LRRC4C: variants seen among roughly 807,000 people sequenced by gnomAD.
LRRC4C encodes leucine rich repeat containing 4C.
Under a neutral mutation model 33.6 loss-of-function variants are expected in LRRC4C, and 5 were observed. That is an observed-to-expected ratio of 0.15 (90% CI 0.08 to 0.31). LRRC4C has a LOEUF of 0.31. Among genes scored for constraint, LRRC4C ranks in the 10% least tolerant of loss-of-function variants. The pLI is 1.00. For missense variants in LRRC4C, 560 were observed against 796.7 expected, an observed-to-expected ratio of 0.70 and a Z score of 3.58; for synonymous variants, 329 against 302.0, an observed-to-expected ratio of 1.09 and a Z score of -0.93.
intron 5 of LRRC4C, among the ~76,000 whole-genome samples, chr11:40,200,545 A>G (rs925869818): frequency 6.6e-5 from 10 of 152,230 alleles, no homozygotes; most frequent in South Asian, 4.1e-4. Flanking sequence ...AAAATGGGCC[A>G]TAAGATCTTC....
chr11:40,656,301 TC>T (rs759827373), intron 2 of LRRC4C, among the ~76,000 whole-genome samples: 33 of 151,940 alleles, frequency 2.2e-4, no homozygotes, highest in Non-Finnish European at 4.3e-4. Flanking sequence ...TCTCCTTTTT[TC>T]CCTAATTTCC....
chr11:41,087,357 C>G (rs1175405906), intron 1 of LRRC4C, among the ~76,000 whole-genome samples: 1 of 152,100 alleles, frequency 6.6e-6, no homozygotes, highest in Admixed American at 6.6e-5. Context: ...ATTATCCCTA[C>G]CCAGCTCCAC....
intron 1 of LRRC4C, among the ~76,000 whole-genome samples, chr11:41,102,632 T>A (rs1267949541): frequency 6.6e-6 from 1 of 152,062 alleles, no homozygotes; most frequent in East Asian, 1.9e-4. Context: ...TAGTAAATGA[T>A]CTCTGAAATA....
At chr11:41,313,770 A>G (rs1950707420) in intron 1 of LRRC4C, among the ~76,000 whole-genome samples, 1 of 152,216 alleles carries the variant, frequency 6.6e-6, no homozygotes, top group African/African-American at 2.4e-5. Flanking sequence ...TTATTCTGTG[A>G]TCCAACCAGC....
chr11:40,422,964 AAAC>A (rs1473093598), intron 3 of LRRC4C, among the ~76,000 whole-genome samples: 1 of 152,144 alleles, frequency 6.6e-6, no homozygotes, highest in African/African-American at 2.4e-5. Context: ...ATAGTGTTAA[AAAC>A]AAAGTTAGCA....
intron 1 of LRRC4C, among the ~76,000 whole-genome samples, chr11:41,010,824 C>T (rs2137525374): frequency 6.6e-6 from 1 of 152,050 alleles, no homozygotes. Flanking sequence ...ATCCAGTGAA[C>T]ATATTGCAAA....
chr11:40,405,983 C>T (rs958092721), intron 3 of LRRC4C, among the ~76,000 whole-genome samples: 1 of 151,974 alleles, frequency 6.6e-6, no homozygotes, highest in Non-Finnish European at 1.5e-5. Context: ...TACTAAACTT[C>T]CATCTTGTTT....
chr11:40,571,038 A>G (rs1374195973), intron 3 of LRRC4C, among the ~76,000 whole-genome samples: 1 of 152,150 alleles, frequency 6.6e-6, no homozygotes, highest in African/African-American at 2.4e-5. Flanking sequence ...GTTCTGAGGC[A>G]CTGTATGTAA....
intron 2 of LRRC4C, among the ~76,000 whole-genome samples, chr11:40,921,752 T>A (rs1957190437): frequency 6.6e-6 from 1 of 152,216 alleles, no homozygotes; most frequent in African/African-American, 2.4e-5. Context: ...TTTCTTTGTG[T>A]TGGCAACATT....
chr11:40,332,120 G>A lies in LRRC4C; in HGVS notation c.-269-12399C>T, dbSNP rs1946389260. ...CTTTAGCAGTATATTAGTTTCCTAGGGCGGCCATAACAAAGTGTCACAAAT... is the reference window on the plus strand; with the variant it reads ...CTTTAGCAGTATATTAGTTTCCTAGAGCGGCCATAACAAAGTGTCACAAAT... On this transcript the variant is annotated intron_variant, in intron 3 of 6. Coordinates refer to ENST00000528697, the MANE Select transcript of LRRC4C (RefSeq NM_001258419.2). 2.0e-5 allele frequency among the ~76,000 whole-genome samples: 3 copies of A among 152,192 alleles called. No individual in the cohort carries two copies. In the South Asian group the frequency reaches 6.2e-4, roughly 32 times the overall value.
At chr11:41,360,454 A>G (rs990260227) in intron 1 of LRRC4C, among the ~76,000 whole-genome samples, 1 of 152,064 alleles carries the variant, frequency 6.6e-6, no homozygotes, top group African/African-American at 2.4e-5. Flanking sequence ...TGAAGGAAAC[A>G]TATCAATATT....
At chr11:41,005,574 A>C (rs1360901008) in intron 1 of LRRC4C, among the ~76,000 whole-genome samples, 1 of 152,148 alleles carries the variant, frequency 6.6e-6, no homozygotes, top group African/African-American at 2.4e-5. Context: ...ACTGCACTCC[A>C]GCCTGGGTGA....
At chr11:40,830,410 A>G (rs1819986213) in intron 2 of LRRC4C, among the ~76,000 whole-genome samples, 1 of 152,108 alleles carries the variant, frequency 6.6e-6, no homozygotes, top group Non-Finnish European at 1.5e-5. Flanking sequence ...ATCCAACTGC[A>G]GACTCTACGC....
At chr11:41,123,277 T>TG (rs1384490238) in intron 1 of LRRC4C, among the ~76,000 whole-genome samples, 8 of 115,866 alleles carry the variant, frequency 6.9e-5, no homozygotes, top group African/African-American at 2.2e-4. Flanking sequence ...TTTTTTTTTT[T>TG]TTTTTTTTTT....
chr11:40,210,845 T>A (rs1005744471), intron 5 of LRRC4C, among the ~76,000 whole-genome samples: 2 of 152,180 alleles, frequency 1.3e-5, no homozygotes, highest in African/African-American at 4.8e-5. Context: ...TCATCTCAGG[T>A]CACTGCAAGC....
At chr11:40,362,947 C>T (rs951351792) in intron 3 of LRRC4C, among the ~76,000 whole-genome samples, 1 of 152,124 alleles carries the variant, frequency 6.6e-6, no homozygotes, top group African/African-American at 2.4e-5. Flanking sequence ...GAAAAGGGAA[C>T]ACTTACACGC....
chr11:41,016,313 G>C (rs1855580456), intron 1 of LRRC4C, among the ~76,000 whole-genome samples: 2 of 152,198 alleles, frequency 1.3e-5, no homozygotes, highest in South Asian at 4.2e-4. Flanking sequence ...TATGACAGGA[G>C]AGTGGCACTA....
intron 3 of LRRC4C, among the ~76,000 whole-genome samples, chr11:40,555,332 G>A (rs1235389759): frequency 6.6e-6 from 1 of 152,134 alleles, no homozygotes; most frequent in Non-Finnish European, 1.5e-5. Flanking sequence ...CAGTGGTCCT[G>A]TCAAGATGTA....
At chr11:40,660,284 T>A (rs1454676885) in intron 2 of LRRC4C, among the ~76,000 whole-genome samples, 1 of 152,148 alleles carries the variant, frequency 6.6e-6, no homozygotes, top group Admixed American at 6.6e-5. Flanking sequence ...GCACCTGGAT[T>A]GCCCTCAGCA....
Sources: gnomAD v4.1 joint callset for allele counts (sites outside exome capture counted in the v4.1 genomes callset) on GRCh38, gnomAD v4.1.1 for gene constraint, MANE v1.5 for transcripts, NCBI Gene and HGNC (gene_info 2026-07-23, HGNC 2026-07-21) for gene names.